The following CFAP44 variants were observed in gnomAD, a reference collection of about 807,000 sequenced individuals.
CFAP44 encodes the protein cilia and flagella associated protein 44, also known as cilia- and flagella-associated protein 44.
In CFAP44, 134 loss-of-function variants were observed where a neutral mutation model predicts 216.2. The observed-to-expected ratio is 0.62, with a 90% CI of 0.54 to 0.72. The LOEUF is 0.72. CFAP44 is among the 30% of genes least tolerant of loss of function. CFAP44 has a pLI of 0.00. For missense variants in CFAP44, 2,035 were observed against 2,182.1 expected (o/e 0.93, Z 1.34); for synonymous variants, 700 against 727.6 (o/e 0.96, Z 0.61).
At chr3:113,367,857 A>T (rs1361885090) in intron 18 of CFAP44, among the ~76,000 whole-genome samples, 1 of 152,214 alleles carries the variant, frequency 6.6e-6, no homozygotes, top group Non-Finnish European at 1.5e-5. Flanking sequence ...GGTTAGATGA[A>T]TGGCTAACTA....
At chr3:113,327,938 TTGTG>T (rs1057322225) in intron 26 of CFAP44, 119 bp from the exon 27 acceptor site, 2 of 855,106 alleles carry the variant, frequency 2.3e-6, no homozygotes, top group Non-Finnish European at 3.5e-6. Flanking sequence ...GGATGGAGAA[TTGTG>T]TGTGTGTGTA....
chr3:113,431,163 T>C (rs1203637105), intron 2 of CFAP44, among the ~76,000 whole-genome samples: 2 of 152,112 alleles, frequency 1.3e-5, no homozygotes, highest in Non-Finnish European at 2.9e-5. Context: ...AATGCAGCTA[T>C]GATCAGGTAT....
Position 113,305,172 on chromosome 3 carries a change from G to C in CFAP44, c.4759-20C>G. 1 of 1,525,828 alleles carries C rather than the reference G, an allele frequency of 6.6e-7. No individual in the cohort carries two copies. Among genetic ancestry groups the C allele is most frequent in the African/African-American group, 1.4e-5 (1 of 72,892 alleles). The allele number at this position is 1,525,828 out of a possible 1,614,324, so 94.5% of individuals were successfully genotyped here. ...TTTCACCTGTAGAAAGCCCCGTGTT[G>C]TGAAATGGTGACAAGACTCAATAAA... is the stretch of plus-strand genomic sequence containing the variant. On this transcript the variant is annotated intron_variant, in intron 30 of 34. Coordinates refer to ENST00000393845, the MANE Select transcript of CFAP44 (RefSeq NM_001164496.2).
At chr3:113,406,465 A>G (rs1291316369) in intron 8 of CFAP44, among the ~76,000 whole-genome samples, 1 of 152,170 alleles carries the variant, frequency 6.6e-6, no homozygotes, top group Admixed American at 6.5e-5. Context: ...TCTACTAAAA[A>G]TACAAAAAAT....
chr3:113,344,295 A>G (rs905980612), intron 23 of CFAP44, among the ~76,000 whole-genome samples: 1 of 152,216 alleles, frequency 6.6e-6, no homozygotes, highest in Non-Finnish European at 1.5e-5. Context: ...AGGAAAGTGG[A>G]CATGGAGCAT....
chr3:113,363,749 T>C (rs1242023657), intron 19 of CFAP44, among the ~76,000 whole-genome samples: 1 of 152,194 alleles, frequency 6.6e-6, no homozygotes, highest in Non-Finnish European at 1.5e-5. Flanking sequence ...AAGGAGTACA[T>C]AGGAAAAGTC....
chr3:113,323,345 A>G (rs1399831631), intron 28 of CFAP44, among the ~76,000 whole-genome samples: 1 of 152,186 alleles, frequency 6.6e-6, no homozygotes, highest in Non-Finnish European at 1.5e-5. Flanking sequence ...TGATAATCCT[A>G]AGCGAATTCA....
At chr3:113,326,273 G>C (rs1267528211) in intron 28 of CFAP44, among the ~76,000 whole-genome samples, 172 bp downstream of exon 28, 1 of 152,014 alleles carries the variant, frequency 6.6e-6, no homozygotes, top group African/African-American at 2.4e-5. Context: ...AGATTAACTC[G>C]AGGTGTTGGA....
intron 2 of CFAP44, chr3:113,428,903 T>C (rs1935031854): frequency 6.6e-6 from 1 of 152,170 alleles, no homozygotes; most frequent in Non-Finnish European, 1.5e-5. Flanking sequence ...CCAATGGATG[T>C]AGGAAGCTTT....
In CFAP44 at chr3:113,287,047, G is replaced by A; in HGVS notation, c.*4510C>T. On this transcript the variant is annotated 3_prime_UTR_variant, in exon 35 of 35. Transcript: ENST00000393845. Reference sequence around the variant, plus strand: ...AGACATAAGGAGTCCTACCCGTTGAGGTTGGAGAGGGAAAATAAAGAAGCT... The same window carrying A: ...AGACATAAGGAGTCCTACCCGTTGAAGTTGGAGAGGGAAAATAAAGAAGCT... The A allele has an allele frequency of 1.4e-6, 1 of 727,368 alleles. No homozygotes were observed. Among genetic ancestry groups the A allele is most frequent in the Non-Finnish European group, 2.3e-6 (1 of 434,454 alleles). 45.1% of individuals were successfully genotyped at this position (727,368 alleles called of 1,614,324 possible).
intron 31 of CFAP44, among the ~76,000 whole-genome samples, chr3:113,304,491 TAC>T (rs1222296501): frequency 3.9e-5 from 6 of 152,238 alleles, no homozygotes; most frequent in African/African-American, 1.4e-4. Flanking sequence ...TTTCCTAAAA[TAC>T]AGCTTTTTCT....
intron 28 of CFAP44, among the ~76,000 whole-genome samples, chr3:113,321,932 C>T (rs533069214): frequency 6.6e-6 from 1 of 152,252 alleles, no homozygotes; most frequent in East Asian, 1.9e-4. Flanking sequence ...ATTAAAATGG[C>T]ATATCCTCCA....
In CFAP44 at chr3:113,366,080, T is replaced by C. The variant is rs142426658; in HGVS notation, c.2674A>G (p.Met892Val). Residue 892 changes from methionine to valine, a missense_variant, in exon 19 of 35, where the codon ATG becomes GTG. By Grantham distance (21) the Met-to-Val change is conservative. Transcript: ENST00000393845. ...TTGGCCTTCATGTCTTTCCTTAGCA[T>C]AAATTCAGAAAAAATGTTGAAAACA... ...IFVFNIFSEFMLRKDMKAKVP... is the reference protein window; with the variant it reads ...IFVFNIFSEFVLRKDMKAKVP... 1,183 of 1,613,886 alleles carry C rather than the reference T, an allele frequency of 7.3e-4. 3 individuals carry two copies. Among genetic ancestry groups the C allele is most frequent in the Middle Eastern group, 6.6e-3 (40 of 6,058 alleles).
At chr3:113,409,838 G>C (rs1045029269) in intron 6 of CFAP44, among the ~76,000 whole-genome samples, 5 of 152,170 alleles carry the variant, frequency 3.3e-5, no homozygotes, top group Non-Finnish European at 7.4e-5. Context: ...GCGACCTCTG[G>C]TCGTCCTCAC....
At chr3:113,437,136 C>A (rs1935257510) in intron 1 of CFAP44, among the ~76,000 whole-genome samples, 1 of 152,160 alleles carries the variant, frequency 6.6e-6, no homozygotes, top group African/African-American at 2.4e-5. Context: ...GTTCCAGAGG[C>A]CACTCGCATT....
At position 113,358,846 on chromosome 3, in the gene CFAP44, A is replaced by T. The variant is rs759056280; in HGVS notation, c.2964T>A (p.Ala988=). 52 of 1,536,618 alleles carry T rather than the reference A, an allele frequency of 3.4e-5. No individual in the cohort carries two copies. The highest frequency in any genetic ancestry group is 4.8e-5 in the South Asian group (4 of 83,992). Residue 988 remains alanine (A), a synonymous_variant, in exon 22 of 35, where the codon GCT becomes GCA. Transcript: ENST00000393845. The part of the protein sequence containing the change: ...TDFDVDSQIR[A]EMHRKTAFKI... ...TGAAAGCTGTTTTTCTGTGCATCTC[A>T]GCACGGATTTGGGAATCTACATCAA...
chr3:113,396,519 C>A lies in CFAP44; in HGVS notation c.1778G>T (p.Gly593Val). 6.2e-7 allele frequency: 1 copy of A among 1,613,898 alleles called. No homozygotes were observed. Among genetic ancestry groups the A allele is most frequent in the South Asian group, 1.1e-5 (1 of 91,048 alleles). Residue 593 changes from glycine (G) to valine (V), a missense_variant and splice_region_variant, in exon 14 of 35, where the codon GGG becomes GTG. Physicochemically the swap from Gly to Val is moderately radical, Grantham distance 109 (BLOSUM62 -3). Transcript: ENST00000393845. ...YERDGEILAT[G>V]SKDQTVFFFE... ...AAAGAAAGGAAATGTACTGCTTACC[C>A]CTGTGGCTAGAATTTCCCCATCACG...
At chr3:113,407,656 C>A (rs1934324497) in intron 7 of CFAP44, among the ~76,000 whole-genome samples, 1 of 152,140 alleles carries the variant, frequency 6.6e-6, no homozygotes, top group South Asian at 2.1e-4. Flanking sequence ...AGAACAGTGC[C>A]TATCATATCA....
rs1034432508 is a variant in CFAP44, at chr3:113,306,320, C to T, written c.4639G>A (p.Ala1547Thr). ...AGGTGAAGGGCCAGCTCAAAAAGAGCCACATCACAATCTGCCAAGAGAATT... is the reference window on the plus strand; with the variant it reads ...AGGTGAAGGGCCAGCTCAAAAAGAGTCACATCACAATCTGCCAAGAGAATT... ...DSICPTNCDV[A>T]LFELALHLRE... The change falls in exon 30 of 35, where the codon GCT becomes ACT. Residue 1547 changes from alanine to threonine, a missense_variant. Transcript: ENST00000393845. 5 of 1,536,050 alleles carry T rather than the reference C, an allele frequency of 3.3e-6. No homozygotes were observed. The highest frequency in any genetic ancestry group is 3.5e-6 in the Non-Finnish European group (4 of 1,146,576).
Sources: allele counts gnomAD v4.1 joint callset (sites outside exome capture counted in the v4.1 genomes callset), GRCh38; gene constraint gnomAD v4.1.1; transcripts MANE v1.5; gene names NCBI Gene and HGNC (gene_info 2026-07-23, HGNC 2026-07-21).